The following ADGRB3 variants were observed in gnomAD, a reference collection of about 807,000 sequenced individuals.
The protein encoded by ADGRB3 is brain-specific angiogenesis inhibitor 3.
In ADGRB3, 37 loss-of-function variants were observed where a neutral mutation model predicts 193.4. The ratio of observed to expected loss-of-function variants is 0.19; its 90% CI spans 0.15 to 0.25. ADGRB3 has a LOEUF of 0.25. Ranked by LOEUF, ADGRB3 falls within the 10% of genes least tolerant of loss-of-function variation. The pLI is 1.00. For synonymous variants in ADGRB3, 690 were observed against 644.2 expected, an observed-to-expected ratio of 1.07 and a Z score of -1.08; for missense variants, 1,637 against 1,852.9, an observed-to-expected ratio of 0.88 and a Z score of 2.14.
chr6:68,829,096 T>C lies in ADGRB3; in HGVS notation c.758-101463T>C, dbSNP rs1192882678. Among the ~76,000 whole-genome samples the C allele has an allele frequency of 6.7e-3, 94 of 14,022 alleles. 6 individuals carry two copies. The highest frequency in any genetic ancestry group is 0.029 in the African/African-American group (87 of 2,980). The allele number at this position is 14,022 out of a possible 152,430, so 9.2% of individuals were successfully genotyped here. The stretch of plus-strand genomic sequence containing the variant: ...TTTAATAGCTGTTTAAGTAACTTTT[T>C]TTTTTTTTTTTTTTTTTTTTTGAGA... On this transcript the variant is annotated intron_variant, in intron 3 of 31. Coordinates refer to ENST00000370598, the MANE Select transcript of ADGRB3 (RefSeq NM_001704.3).
rs964220189 is a variant in ADGRB3 at position 68,820,644 on chromosome 6, C to T, written c.758-109915C>T. Reference sequence around the variant, plus strand: ...CATTAACCATCCCCGCTTCTCTCTCCCTCCACCGTCCTTCCCAGCCTCTGG... The same window carrying T: ...CATTAACCATCCCCGCTTCTCTCTCTCTCCACCGTCCTTCCCAGCCTCTGG... On this transcript the variant is annotated intron_variant, in intron 3 of 31. Transcript: ENST00000370598. Among the ~76,000 whole-genome samples, 3 of 152,002 alleles carry T rather than the reference C, an allele frequency of 2.0e-5. No homozygotes were observed. In the South Asian group the frequency reaches 6.2e-4, roughly 31 times the overall value.
At position 68,840,033 on chromosome 6, in the gene ADGRB3, A is replaced by G. The variant is rs191312912; in HGVS notation, c.758-90526A>G. ...TTAGAACAGACCTACCCAGAGGGGA[A>G]TCGCCCATCCCAATGGTCAGAACGT... On this transcript the variant is annotated intron_variant, in intron 3 of 31. Transcript: ENST00000370598. 6.6e-4 allele frequency among the ~76,000 whole-genome samples: 100 copies of G among 152,268 alleles called. 1 individual carries two copies. The highest frequency in any genetic ancestry group is 2.1e-3 in the African/African-American group (89 of 41,554).
rs371342389 is a variant in ADGRB3, at chr6:69,340,899, A to G, written c.3459+1395A>G. Among the ~76,000 whole-genome samples the G allele has an allele frequency of 9.2e-5, 14 of 152,300 alleles. No homozygotes were observed. The East Asian group carries it at 1.9e-3, about 21-fold the overall frequency. On this transcript the variant is annotated intron_variant, in intron 26 of 31. Transcript: ENST00000370598. ...CTGTTCCTGTGTTAGTTTGCTGAGA[A>G]TGATGGTTTCCAACTTCATCCATGT...
chr6:69,346,250 A>G (rs1381212669), intron 26 of ADGRB3, among the ~76,000 whole-genome samples: 1 of 152,336 alleles, frequency 6.6e-6, no homozygotes, highest in East Asian at 1.9e-4. Context: ...TAAATTTCAC[A>G]TGGAACCAAA....
At chr6:68,713,008 T>A (rs1175258885) in intron 3 of ADGRB3, among the ~76,000 whole-genome samples, 1 of 151,960 alleles carries the variant, frequency 6.6e-6, no homozygotes, top group Non-Finnish European at 1.5e-5. Context: ...TGACAGCAAT[T>A]TTTTATTTAT....
intron 3 of ADGRB3, among the ~76,000 whole-genome samples, chr6:68,845,802 G>T (rs992228500): frequency 6.6e-6 from 1 of 152,090 alleles, no homozygotes; most frequent in Admixed American, 6.5e-5. Flanking sequence ...TATCAGCATT[G>T]TGAAAATGAA....
chr6:68,655,519 A>C (rs1032890612), intron 3 of ADGRB3, among the ~76,000 whole-genome samples: 1 of 151,784 alleles, frequency 6.6e-6, no homozygotes, highest in African/African-American at 2.4e-5. Context: ...GATTCATCAT[A>C]AAAAGTAATC....
chr6:69,369,300 T>A (rs1769655757), intron 29 of ADGRB3, among the ~76,000 whole-genome samples: 1 of 152,148 alleles, frequency 6.6e-6, no homozygotes, highest in South Asian at 2.1e-4. Context: ...GACTTTCCAA[T>A]ACACTGTATG....
intron 8 of ADGRB3, among the ~76,000 whole-genome samples, chr6:68,961,592 AT>A (rs1768235110): frequency 6.6e-6 from 1 of 152,140 alleles, no homozygotes; most frequent in South Asian, 2.1e-4. Context: ...TTTGAGACAA[AT>A]TTAACAAGTT....
intron 3 of ADGRB3, among the ~76,000 whole-genome samples, chr6:68,823,065 A>G (rs1767776862): frequency 6.6e-6 from 1 of 152,014 alleles, no homozygotes; most frequent in African/African-American, 2.4e-5. Context: ...GAAAGGAAGG[A>G]AAATTTTGTA....
At chr6:68,879,269 T>C (rs1765672672) in intron 3 of ADGRB3, among the ~76,000 whole-genome samples, 1 of 138,320 alleles carries the variant, frequency 7.2e-6, no homozygotes, top group Non-Finnish European at 1.5e-5. Context: ...CAGGCTGGAG[T>C]GCAGTGGCAG....
intron 3 of ADGRB3, among the ~76,000 whole-genome samples, chr6:68,889,063 C>T (rs940157552): frequency 1.3e-5 from 2 of 152,064 alleles, no homozygotes; most frequent in Non-Finnish European, 2.9e-5. Flanking sequence ...AAGACAAAGG[C>T]TGTAAGAGGT....
chr6:69,235,247 A>G (rs1489228799), intron 19 of ADGRB3, 112 bp downstream of exon 19: 2 of 846,564 alleles, frequency 2.4e-6, no homozygotes, highest in East Asian at 2.5e-5. Flanking sequence ...TGAAAGCAGT[A>G]TTTTTACAAC....
chr6:68,906,915 G>A (rs1192328381), intron 3 of ADGRB3, among the ~76,000 whole-genome samples: 1 of 151,832 alleles, frequency 6.6e-6, no homozygotes, highest in East Asian at 1.9e-4. Context: ...ATTAATATTT[G>A]CTTCTGTACT....
chr6:68,841,401 C>G (rs1207288949), intron 3 of ADGRB3, among the ~76,000 whole-genome samples: 1 of 151,966 alleles, frequency 6.6e-6, no homozygotes, highest in African/African-American at 2.4e-5. Context: ...ATATCAGGTA[C>G]CTTCTCTGGC....
intron 3 of ADGRB3, among the ~76,000 whole-genome samples, chr6:68,818,767 A>G (rs945097892): frequency 1.3e-5 from 2 of 152,128 alleles, no homozygotes; most frequent in Admixed American, 1.3e-4. Context: ...TATTTTGCCA[A>G]TACAAAAATC....
chr6:69,119,463 T>C (rs1026142354), intron 17 of ADGRB3, among the ~76,000 whole-genome samples: 3 of 152,198 alleles, frequency 2.0e-5, no homozygotes, highest in African/African-American at 7.2e-5. Flanking sequence ...TACAAGGTAA[T>C]ATGTGCTTTG....
intron 17 of ADGRB3, among the ~76,000 whole-genome samples, chr6:69,151,666 C>CCGG (rs557568621): frequency 1.0e-3 from 152 of 152,238 alleles, no homozygotes; most frequent in Non-Finnish European, 1.6e-3. Flanking sequence ...TTCTATTTGG[C>CCGG]CATTTTGCTC....
intron 28 of ADGRB3, among the ~76,000 whole-genome samples, chr6:69,358,601 G>A (rs796181556): frequency 5.9e-5 from 9 of 152,028 alleles, no homozygotes; most frequent in African/African-American, 1.7e-4. Context: ...CTATGTTGAA[G>A]CGTATTCATG....
Sources: gnomAD v4.1 joint callset for allele counts (sites outside exome capture counted in the v4.1 genomes callset) on GRCh38, gnomAD v4.1.1 for gene constraint, MANE v1.5 for transcripts, NCBI Gene and HGNC (gene_info 2026-07-23, HGNC 2026-07-21) for gene names.